The following CHFR variants were observed in gnomAD, a reference collection of about 807,000 sequenced individuals.
The protein encoded by CHFR is E3 ubiquitin-protein ligase CHFR.
Under a neutral mutation model 87.6 loss-of-function variants are expected in CHFR, and 57 were observed. The ratio of observed to expected loss-of-function variants is 0.65; its 90% confidence interval spans 0.53 to 0.81. The LOEUF (loss-of-function observed/expected upper bound fraction) is 0.81, where lower values mean the gene tolerates loss of function less well. Ranked by LOEUF, CHFR falls within the 30% of genes least tolerant of loss-of-function variation. The pLI, the probability that CHFR is intolerant of heterozygous loss-of-function variation, is 0.00. For missense variants in CHFR, 797 were observed against 865.8 expected (o/e 0.92, Z 1.00); for synonymous variants, 381 against 359.2 (o/e 1.06, Z -0.69).
chr12:132,881,110 T>C (rs1164011509), intron 2 of CHFR, among the ~76,000 whole-genome samples: 1 of 151,550 alleles, frequency 6.6e-6, no homozygotes, highest in East Asian at 1.9e-4. Context: ...CGACTAAAAA[T>C]ACAAAAAATT....
At chr12:132,866,730 G>C (rs181760612) in intron 6 of CHFR, 2 of 152,292 alleles carry the variant, frequency 1.3e-5, no homozygotes, top group East Asian at 3.9e-4. Context: ...GAATGTTACA[G>C]GAATGTTACA....
Position 132,880,894 on chromosome 12 carries a change from A to G in CHFR, c.134-3240T>C, listed in dbSNP as rs568440952. On this transcript the variant is annotated intron_variant, in intron 2 of 17. Transcript: ENST00000450056. Reference sequence around the variant, plus strand: ...GCAGGAGAATGGTGGGAACCCAGGAAGCGGAGGTTACAGTGAGCCGAGATC... The same window carrying G: ...GCAGGAGAATGGTGGGAACCCAGGAGGCGGAGGTTACAGTGAGCCGAGATC... Among the ~76,000 whole-genome samples, 9 of 150,156 alleles carry G rather than the reference A, an allele frequency of 6.0e-5. No individual in the cohort carries two copies. The South Asian group carries it at 1.9e-3, about 32-fold the overall frequency.
At position 132,851,636 on chromosome 12, in the gene CHFR, G is replaced by A. The variant is rs114117795; in HGVS notation, c.1474C>T (p.Arg492Cys). The A allele has an allele frequency of 8.7e-6, 14 of 1,612,310 alleles. No homozygotes were observed. The East Asian group carries it at 1.3e-4, about 15-fold the overall frequency. ...CACTCACACTGCTGAGGGGCGACACGCGGGTCCTGCTCGCGCTCCGCTCTC... is the reference window on the plus strand; with the variant it reads ...CACTCACACTGCTGAGGGGCGACACACGGGTCCTGCTCGCGCTCCGCTCTC... ...DRRAEREQDP[R>C]VAPQQCAVCL... is the part of the protein sequence containing the mutation. Residue 492 changes from arginine to cysteine, a missense_variant, in exon 12 of 18, where the codon CGT (arginine) becomes TGT (cysteine). Physicochemically the swap from Arg to Cys is radical, Grantham distance 180. Coordinates refer to ENST00000450056, the MANE Select transcript of CHFR (RefSeq NM_001161346.2).
At chr12:132,851,485 A>G in intron 12 of CHFR, 133 bp downstream of exon 12, 1 of 1,070,688 alleles carries the variant, frequency 9.3e-7, no homozygotes, top group Admixed American at 2.5e-5. Context: ...CGTGGGGAAA[A>G]CTGATCACAC....
chr12:132,850,859 T>TA (rs532547167), intron 12 of CHFR, among the ~76,000 whole-genome samples: 4 of 148,978 alleles, frequency 2.7e-5, no homozygotes, highest in African/African-American at 9.9e-5. Context: ...TAGGAAGTCA[T>TA]AAAAAAAAGG....
Position 132,857,534 on chromosome 12 carries a change from A to G in CHFR, c.937T>C (p.Cys313Arg). 1 of 1,614,174 alleles carries G rather than the reference A, an allele frequency of 6.2e-7. No individual in the cohort carries two copies. The highest frequency in any genetic ancestry group is 8.5e-7 in the Non-Finnish European group (1 of 1,180,006). ...ATCCAGCCCGAGTAGCAAGCCGCGC[A>G]GAACGTGTGCATGCAGGGCTGCAAA... ...VSLQPCMHTF[C>R]AACYSGWMER... The change falls in exon 9 of 18, where the codon TGC becomes CGC. Residue 313 changes from cysteine to arginine, a missense_variant. By Grantham distance (180) the Cys-to-Arg change is radical. Transcript: ENST00000450056.
At chr12:132,852,579 C>T (rs1028448911) in intron 11 of CHFR, among the ~76,000 whole-genome samples, 1 of 152,224 alleles carries the variant, frequency 6.6e-6, no homozygotes, top group Non-Finnish European at 1.5e-5. Flanking sequence ...CACTGAGCAC[C>T]CACTGAGGGA....
intron 2 of CHFR, among the ~76,000 whole-genome samples, chr12:132,885,493 G>C (rs915810966): frequency 6.6e-6 from 1 of 151,852 alleles, no homozygotes; most frequent in African/African-American, 2.4e-5. Context: ...GTAGTATTTT[G>C]CTATGGTAGT....
At chr12:132,847,868 A>C in intron 14 of CHFR, 1 of 1,403,610 alleles carries the variant, frequency 7.1e-7, no homozygotes, top group Non-Finnish European at 9.3e-7. Flanking sequence ...AGGCACAAAA[A>C]CGAAATACCT....
In CHFR at chr12:132,856,544, A is replaced by T; in HGVS notation, c.1153T>A (p.Ser385Thr). 1 of 1,614,200 alleles carries T rather than the reference A, an allele frequency of 6.2e-7. No individual in the cohort carries two copies. The highest frequency in any genetic ancestry group is 8.5e-7 in the Non-Finnish European group (1 of 1,180,026). The change falls in exon 10 of 18, where the codon TCT becomes ACT. Residue 385 changes from serine to threonine, a missense_variant. Ser to Thr is a moderately conservative substitution (Grantham distance 58). Coordinates refer to ENST00000450056, the MANE Select transcript of CHFR (RefSeq NM_001161346.2). Reference sequence around the variant, plus strand: ...GAACTCCCTTCTTCATCAGAAAAAGACCGCCTGACTTTGGGCTGCAGCATG... The same window carrying T: ...GAACTCCCTTCTTCATCAGAAAAAGTCCGCCTGACTTTGGGCTGCAGCATG... ...QDMLQPKVRRSFSDEEGSSED... is the reference protein window; with the variant it reads ...QDMLQPKVRRTFSDEEGSSED...
intron 2 of CHFR, among the ~76,000 whole-genome samples, chr12:132,883,831 G>C (rs946110133): frequency 6.6e-6 from 1 of 152,112 alleles, no homozygotes; most frequent in Non-Finnish European, 1.5e-5. Flanking sequence ...ATCAAGTTCT[G>C]TCTGGGCGAG....
At position 132,869,608 on chromosome 12, in the gene CHFR, T is replaced by A. The variant is rs1282677486; in HGVS notation, c.583+11A>T. The stretch of plus-strand genomic sequence containing the variant: ...CAACCAGCACCAAGACCTCATGAGA[T>A]GTGACCTCACCACAACTGGAGGAAC... On this transcript the variant is annotated intron_variant, in intron 6 of 17. Transcript: ENST00000450056. 6.4e-7 allele frequency: 1 copy of A among 1,550,872 alleles called. No individual in the cohort carries two copies. The highest frequency in any genetic ancestry group is 1.4e-5 in the African/African-American group (1 of 72,968).
intron 14 of CHFR, chr12:132,847,506 A>T: frequency 9.2e-7 from 1 of 1,090,372 alleles, no homozygotes; most frequent in Non-Finnish European, 1.1e-6. Flanking sequence ...GTGCCCTTCA[A>T]ACACACACGA....
rs1441001374 is a variant in CHFR at position 132,854,612 on chromosome 12, C to T, written c.1230-1039G>A. On this transcript the variant is annotated intron_variant, in intron 10 of 17. Coordinates refer to ENST00000450056, the MANE Select transcript of CHFR (RefSeq NM_001161346.2). ...ACGAGGTCAGGAGTTCAAGACCATC[C>T]TGACTAACACGGTGAAACCCAGTCT... The T allele has an allele frequency of 4.0e-5, 6 of 151,132 alleles. No homozygotes were observed. In the East Asian group the frequency reaches 7.9e-4, roughly 20 times the overall value. The allele number at this position is 151,132 out of a possible 1,614,324, so 9.4% of individuals were successfully genotyped here. A position where few individuals can be genotyped will look rare whatever the true frequency, so the allele number is the denominator to read the frequency against.
Position 132,887,199 on chromosome 12 carries a change from G to A in CHFR, c.130C>T (p.Arg44Ter), listed in dbSNP as rs1221878184. The change falls in exon 2 of 18, where the codon CGA becomes TGA. Residue 44 changes from arginine (R) to a stop codon, truncating the protein, a stop_gained. Coordinates refer to ENST00000450056, the MANE Select transcript of CHFR (RefSeq NM_001161346.2). LOFTEE classifies it high-confidence loss of function. ...GGCCCCGGCCTCAGCCCCGCACCTC[G>A]TCTCCGCCCGATGGTCCACTCCCGC... ...RKREWTIGRR[R>*]GCDLSFPSNK... 6.7e-7 allele frequency: 1 copy of A among 1,495,116 alleles called. No homozygotes were observed. Among genetic ancestry groups the A allele is most frequent in the African/African-American group, 1.5e-5 (1 of 68,674 alleles). 92.6% of individuals were successfully genotyped at this position (1,495,116 alleles called of 1,614,324 possible).
chr12:132,886,164 T>C (rs933461882), intron 2 of CHFR, among the ~76,000 whole-genome samples: 1 of 151,948 alleles, frequency 6.6e-6, no homozygotes, highest in Non-Finnish European at 1.5e-5. Flanking sequence ...ATACAAAAAT[T>C]AGCCAGGCAT....
chr12:132,874,931 AAAGCCCAGGACCAGCACCCAGCACGGG>A (rs1951592604), intron 3 of CHFR, among the ~76,000 whole-genome samples: 1 of 150,324 alleles, frequency 6.7e-6, no homozygotes, highest in Non-Finnish European at 1.5e-5. Flanking sequence ...TGTAGGCGGG[AAAGCCCAGGACCAGCACCCAGCACGGG>A]GAAGCCAGGC....
At chr12:132,855,353 C>T (rs909554288) in intron 10 of CHFR, among the ~76,000 whole-genome samples, 9 of 149,494 alleles carry the variant, frequency 6.0e-5, no homozygotes, top group Admixed American at 1.3e-4. Flanking sequence ...ACCCGGGAGG[C>T]GGAGGTTGCA....
chr12:132,842,230 C>G (rs1950718647), intron 17 of CHFR, among the ~76,000 whole-genome samples: 1 of 152,170 alleles, frequency 6.6e-6, no homozygotes, highest in South Asian at 2.1e-4. Context: ...GGCAGACACA[C>G]CAAGCTGGAT....
Sources: gnomAD v4.1 joint callset for allele counts (sites outside exome capture counted in the v4.1 genomes callset) on GRCh38, gnomAD v4.1.1 for gene constraint, MANE v1.5 for transcripts, NCBI Gene and HGNC (gene_info 2026-07-23, HGNC 2026-07-21) for gene names.